Variants in FMN2 observed in about 807,000 individuals in gnomAD.
The protein encoded by FMN2 is formin 2.
Under a neutral mutation model 142.3 loss-of-function variants are expected in FMN2, and 51 were observed. The observed-to-expected ratio is 0.36, with a 90% confidence interval of 0.29 to 0.45. The LOEUF (loss-of-function observed/expected upper bound fraction) is 0.45. Ranked by LOEUF, FMN2 falls within the 20% of genes least tolerant of loss-of-function variation. The probability of loss-of-function intolerance (pLI) is 1.00; values close to 1 mark genes in which losing one functional copy is unlikely to be tolerated. For synonymous variants in FMN2, 882 were observed against 869.8 expected (o/e 1.01, Z -0.25); for missense variants, 1,936 against 2,122.8 (o/e 0.91, Z 1.73).
chr1:240,281,438 A>G (rs548692891), intron 7 of FMN2, among the ~76,000 whole-genome samples: 4 of 152,294 alleles, frequency 2.6e-5, no homozygotes, highest in South Asian at 2.1e-4. Flanking sequence ...TGTAAACTCT[A>G]CTAGGGCAGG....
In FMN2 at chr1:240,335,861, C is replaced by T. The variant is rs1417011428; in HGVS notation, c.4765+1632C>T. Among the ~76,000 whole-genome samples, 3 of 152,076 alleles carry T rather than the reference C, an allele frequency of 2.0e-5. No individual in the cohort carries two copies. In the East Asian group the frequency reaches 5.8e-4, roughly 29 times the overall value. On this transcript the variant is annotated intron_variant, in intron 13 of 17. Coordinates refer to ENST00000319653, the MANE Select transcript of FMN2 (RefSeq NM_020066.5). ...AGTGGGTTTGAAAAGGACAAGCAGC[C>T]GGCCAGGCATGGTGGCTCACACCTG...
intron 2 of FMN2, among the ~76,000 whole-genome samples, chr1:240,154,126 A>G (rs1001914499): frequency 1.3e-5 from 2 of 149,784 alleles, no homozygotes; most frequent in Non-Finnish European, 3.0e-5. Flanking sequence ...AAAAAAAAAA[A>G]AAAAAGTGTT....
chr1:240,369,249 T>C (rs1672785190), intron 14 of FMN2, among the ~76,000 whole-genome samples: 1 of 152,216 alleles, frequency 6.6e-6, no homozygotes, highest in African/African-American at 2.4e-5. Flanking sequence ...AATATTTTTC[T>C]GTTAACACAA....
intron 7 of FMN2, chr1:240,285,106 TGAAGAA>T: frequency 8.1e-6 from 3 of 370,886 alleles, no homozygotes; most frequent in Admixed American, 2.8e-5. Context: ...GTTTTTTGTT[TGAAGAA>T]ACATTTTGTT....
intron 14 of FMN2, among the ~76,000 whole-genome samples, chr1:240,385,466 A>G (rs1673374931): frequency 6.6e-6 from 1 of 152,206 alleles, no homozygotes; most frequent in South Asian, 2.1e-4. Flanking sequence ...CATTAGTGAA[A>G]GTCCAGGAGA....
intron 2 of FMN2, among the ~76,000 whole-genome samples, chr1:240,139,118 A>G (rs1282965048): frequency 6.6e-6 from 1 of 152,162 alleles, no homozygotes; most frequent in East Asian, 1.9e-4. Flanking sequence ...CCGGTCGGGG[A>G]CCACACTTTA....
At chr1:240,398,368 ATAT>A (rs1229642477) in intron 15 of FMN2, among the ~76,000 whole-genome samples, 1 of 152,218 alleles carries the variant, frequency 6.6e-6, no homozygotes, top group Non-Finnish European at 1.5e-5. Context: ...TTGATATAAA[ATAT>A]TGTCTTAGCA....
At chr1:240,225,131 G>A (rs1370267160) in intron 6 of FMN2, among the ~76,000 whole-genome samples, 1 of 152,082 alleles carries the variant, frequency 6.6e-6, no homozygotes, top group Non-Finnish European at 1.5e-5. Context: ...CTGACACAGG[G>A]GCAATTCCTA....
intron 14 of FMN2, among the ~76,000 whole-genome samples, chr1:240,376,369 TCTA>T (rs1673042831): frequency 6.6e-6 from 1 of 152,114 alleles, no homozygotes; most frequent in African/African-American, 2.4e-5. Context: ...TTTATATTTG[TCTA>T]CTATTTGTTT....
Position 240,093,552 on chromosome 1 carries a change from C to A in FMN2, c.1443C>A (p.Arg481=). The A allele has an allele frequency of 6.6e-7, 1 of 1,520,138 alleles. No individual in the cohort carries two copies. The highest frequency in any genetic ancestry group is 8.8e-7 in the Non-Finnish European group (1 of 1,141,642). The allele number at this position is 1,520,138 out of a possible 1,614,324, so 94.2% of individuals were successfully genotyped here. The change falls in exon 1 of 18, where the codon CGC becomes CGA. Residue 481 remains arginine (R), a synonymous_variant. Transcript: ENST00000319653. ...ADGGLAAGLS[R]SADWTEELGA... ...GCGGCCTTGCGGCCGGCCTGAGCCG[C>A]TCGGCTGACTGGACGGAGGAGCTAG...
intron 6 of FMN2, among the ~76,000 whole-genome samples, chr1:240,235,124 C>T (rs1342652970): frequency 6.6e-6 from 1 of 152,102 alleles, no homozygotes; most frequent in Non-Finnish European, 1.5e-5. Flanking sequence ...TCTTTCCTGC[C>T]TCTACTTTAG....
chr1:240,114,416 C>T (rs187028200), intron 1 of FMN2, among the ~76,000 whole-genome samples: 212 of 152,204 alleles, frequency 1.4e-3, no homozygotes, highest in African/African-American at 5.0e-3. Context: ...CAGGAAAGCT[C>T]GATGGGGGAT....
intron 8 of FMN2, among the ~76,000 whole-genome samples, chr1:240,310,264 C>T (rs76276240): frequency 1.4e-4 from 22 of 152,258 alleles, no homozygotes; most frequent in African/African-American, 5.3e-4. Context: ...AAATACAACA[C>T]ACTTTCTTTT....
intron 6 of FMN2, among the ~76,000 whole-genome samples, chr1:240,216,935 C>G (rs534924554): frequency 6.8e-6 from 1 of 147,638 alleles, no homozygotes; most frequent in South Asian, 2.2e-4. Context: ...GGCAACAGAG[C>G]GAGACTCCGT....
At chr1:240,440,701 T>C (rs1359689412) in intron 16 of FMN2, among the ~76,000 whole-genome samples, 1 of 152,190 alleles carries the variant, frequency 6.6e-6, no homozygotes, top group Non-Finnish European at 1.5e-5. Context: ...AGAACGCTGC[T>C]TTGCCCATTG....
At position 240,314,248 on chromosome 1, in the gene FMN2, A is replaced by G. The variant is rs185300542; in HGVS notation, c.4216-14828A>G. On this transcript the variant is annotated intron_variant, in intron 8 of 17. Transcript: ENST00000319653. ...GTACCAACCTTAAAAAAGGGGGAGT[A>G]GATCATAAAGACTGTGGTGTTTTGG... Among the ~76,000 whole-genome samples, 430 of 152,294 alleles carry G rather than the reference A, an allele frequency of 2.8e-3. 2 individuals are homozygous for G. The highest frequency in any genetic ancestry group is 0.017 in the South Asian group (80 of 4,824).
At chr1:240,185,056 T>C (rs1416939530) in intron 3 of FMN2, among the ~76,000 whole-genome samples, 37 of 145,228 alleles carry the variant, frequency 2.5e-4, no homozygotes, top group African/African-American at 8.9e-4. Context: ...CTCCCTCCTA[T>C]ACCTTCCCCT....
chr1:240,189,138 G>A (rs1289559685), intron 4 of FMN2, among the ~76,000 whole-genome samples: 1 of 147,226 alleles, frequency 6.8e-6, no homozygotes, highest in African/African-American at 2.5e-5. Flanking sequence ...TTTTTCTTAC[G>A]CTAAAATGCA....
chr1:240,330,842 T>C, intron 11 of FMN2, 93 bp downstream of exon 11: 2 of 1,452,222 alleles, frequency 1.4e-6, no homozygotes, highest in Non-Finnish European at 1.8e-6. Context: ...TAAAAAATAT[T>C]TATGTTCCTA....
Sources: gnomAD v4.1 joint callset for allele counts (sites outside exome capture counted in the v4.1 genomes callset) on GRCh38, gnomAD v4.1.1 for gene constraint, MANE v1.5 for transcripts, NCBI Gene and HGNC (gene_info 2026-07-23, HGNC 2026-07-21) for gene names.